R3HDM2: variants seen among roughly 807,000 people sequenced by gnomAD.
R3HDM2 encodes R3H domain containing 2.
Under a neutral mutation model 124.5 loss-of-function variants are expected in R3HDM2, and 38 were observed. The observed-to-expected ratio is 0.31, with a 90% CI of 0.24 to 0.40. The LOEUF (loss-of-function observed/expected upper bound fraction) is 0.40, where lower values mean the gene tolerates loss of function less well. R3HDM2 is among the 10% of genes least tolerant of loss of function. The pLI is 1.00. For synonymous variants in R3HDM2, 391 were observed against 448.0 expected, an observed-to-expected ratio of 0.87 and a Z score of 1.61; for missense variants, 869 against 1,236.9, an observed-to-expected ratio of 0.70 and a Z score of 4.46.
chr12:57,278,280 G>A (rs1416490698), intron 14 of R3HDM2, among the ~76,000 whole-genome samples: 1 of 152,128 alleles, frequency 6.6e-6, no homozygotes, highest in Non-Finnish European at 1.5e-5. Flanking sequence ...CCAGTAGCAG[G>A]GACAGAACCT....
At chr12:57,390,362 A>C (rs2138657292) in intron 2 of R3HDM2, among the ~76,000 whole-genome samples, 1 of 152,162 alleles carries the variant, frequency 6.6e-6, no homozygotes, top group East Asian at 1.9e-4. Flanking sequence ...GGAGAGTCTA[A>C]GGGGAACAAG....
rs1266837316 is a variant in R3HDM2 at position 57,296,359 on chromosome 12, C to T, written c.701+52G>A. ...CTGATCCTACACCTTCCTCTTCCAA[C>T]CCAGCAGGTTATCCCAGGGAAGTCT... On this transcript the variant is annotated intron_variant, in intron 9 of 23. Transcript: ENST00000402412. The surrounding 1 kb of genome is among the most constrained non-coding windows in gnomAD (Gnocchi z 4.5). 2 of 1,542,418 alleles carry T rather than the reference C, an allele frequency of 1.3e-6. No individual in the cohort carries two copies. The highest frequency in any genetic ancestry group is 2.7e-5 in the African/African-American group (2 of 72,832).
At chr12:57,395,322 C>G (rs149338575) in intron 2 of R3HDM2, among the ~76,000 whole-genome samples, 1 of 151,676 alleles carries the variant, frequency 6.6e-6, no homozygotes, top group East Asian at 1.9e-4. Flanking sequence ...CTGACCAACA[C>G]GGAGAAACGC....
chr12:57,375,002 A>C (rs181096171), intron 2 of R3HDM2, among the ~76,000 whole-genome samples: 1 of 151,360 alleles, frequency 6.6e-6, no homozygotes, highest in African/African-American at 2.4e-5. Flanking sequence ...TCTCAAAAAA[A>C]AAATAAATAA....
At chr12:57,376,079 C>T (rs1029680002) in intron 2 of R3HDM2, among the ~76,000 whole-genome samples, 34 of 152,194 alleles carry the variant, frequency 2.2e-4, no homozygotes, top group African/African-American at 8.0e-4. Flanking sequence ...GTCAAAGGGG[C>T]CCAGTTTTGA....
At chr12:57,303,964 C>T (rs1471421386) in intron 3 of R3HDM2, among the ~76,000 whole-genome samples, 2 of 152,016 alleles carry the variant, frequency 1.3e-5, no homozygotes, top group African/African-American at 4.8e-5. Context: ...TTCCCCCAAT[C>T]CTGTTCACAG....
At position 57,310,264 on chromosome 12, in the gene R3HDM2, C is replaced by A; in HGVS notation, c.165G>T (p.Gln55His). 1 of 1,526,428 alleles carries A rather than the reference C, an allele frequency of 6.6e-7. No individual in the cohort carries two copies. The highest frequency in any genetic ancestry group is 8.8e-7 in the Non-Finnish European group (1 of 1,137,066). 94.6% of individuals were successfully genotyped at this position (1,526,428 alleles called of 1,614,324 possible). The change falls in exon 3 of 24, where the codon CAG becomes CAT. Residue 55 changes from glutamine (Q) to histidine (H), a missense_variant and splice_region_variant. Physicochemically the swap from Gln to His is conservative, Grantham distance 24 (BLOSUM62 0). This residue lies in a region of R3HDM2 where 267 missense variants were observed against 447.7 expected (regional missense o/e 0.60). Transcript: ENST00000402412. ...CATACAATGCATTTCCAATCGTTAC[C>A]TGTGTCTCCTGACGCAAACTGGTAT... ...CEDTSLRQET[Q>H]RRTSNHGHAR...
In R3HDM2 at chr12:57,407,991, G is replaced by A. The variant is rs1215197710; in HGVS notation, c.-105-12173C>T. On this transcript the variant is annotated intron_variant, in intron 1 of 23. Coordinates refer to ENST00000402412, the MANE Select transcript of R3HDM2 (RefSeq NM_001394031.1). Reference sequence around the variant, plus strand: ...GTTGCCCAGGCTGGAGTGCAGTGGCGCAAACTCAGCTAACTGCAACCTCCA... The same window carrying A: ...GTTGCCCAGGCTGGAGTGCAGTGGCACAAACTCAGCTAACTGCAACCTCCA... Among the ~76,000 whole-genome samples, 5 of 150,948 alleles carry A rather than the reference G, an allele frequency of 3.3e-5. 1 individual carries two copies. The highest frequency in any genetic ancestry group is 6.9e-3 in the Middle Eastern group (2 of 290).
chr12:57,317,529 G>A (rs552951377), intron 2 of R3HDM2, among the ~76,000 whole-genome samples: 2 of 151,502 alleles, frequency 1.3e-5, no homozygotes, highest in African/African-American at 4.9e-5. Flanking sequence ...AGTCAATCTC[G>A]ACCCTCCCTA....
At chr12:57,336,219 A>G (rs543398803) in intron 2 of R3HDM2, among the ~76,000 whole-genome samples, 47 of 152,254 alleles carry the variant, frequency 3.1e-4, no homozygotes, top group Admixed American at 2.1e-3. Context: ...AAATTGTTCA[A>G]TCATTATGGA....
chr12:57,295,561 G>A, intron 9 of R3HDM2, 54 bp from the exon 10 acceptor site: 1 of 1,283,468 alleles, frequency 7.8e-7, no homozygotes, highest in Admixed American at 2.0e-5. Flanking sequence ...CGTTTTGTTA[G>A]GAAGCAGACC....
intron 2 of R3HDM2, among the ~76,000 whole-genome samples, chr12:57,333,465 G>A (rs545298233): frequency 2.3e-4 from 35 of 152,108 alleles, no homozygotes; most frequent in Non-Finnish European, 4.6e-4. Context: ...CAAAGTGGGT[G>A]GATCACCTAA....
chr12:57,282,104 G>A (rs1428795589), intron 13 of R3HDM2, among the ~76,000 whole-genome samples: 1 of 152,070 alleles, frequency 6.6e-6, no homozygotes, highest in Non-Finnish European at 1.5e-5. Context: ...GACATCAGGA[G>A]TTTGAGACCA....
intron 2 of R3HDM2, among the ~76,000 whole-genome samples, chr12:57,377,805 C>G (rs972543119): frequency 9.2e-5 from 14 of 152,008 alleles, no homozygotes; most frequent in Non-Finnish European, 1.8e-4. Context: ...TGAAACCTTT[C>G]GGCCAGGGGC....
rs1007913843 is a variant in R3HDM2, at chr12:57,410,335, A to C, written c.-105-14517T>G. Among the ~76,000 whole-genome samples the C allele has an allele frequency of 3.3e-5, 5 of 151,790 alleles. No homozygotes were observed. In the East Asian group the frequency reaches 5.8e-4, roughly 18 times the overall value. On this transcript the variant is annotated intron_variant, in intron 1 of 23. Transcript: ENST00000402412. ...TATAACCTTAAAAAAAAAAAAAAAA[A>C]AAAAAAACTTCACATTTCATGAACA...
At chr12:57,352,604 T>C (rs568957372) in intron 2 of R3HDM2, among the ~76,000 whole-genome samples, 2 of 151,658 alleles carry the variant, frequency 1.3e-5, no homozygotes, top group East Asian at 3.9e-4. Context: ...GCAATTCTCC[T>C]GTCTCAGCCT....
intron 1 of R3HDM2, among the ~76,000 whole-genome samples, chr12:57,421,954 G>A (rs2070248229): frequency 2.6e-5 from 4 of 152,002 alleles, no homozygotes; most frequent in Admixed American, 2.6e-4. Flanking sequence ...AAATTAGCCG[G>A]GTGTGGTGGC....
At chr12:57,422,508 A>T (rs2070312880) in intron 1 of R3HDM2, among the ~76,000 whole-genome samples, 1 of 152,014 alleles carries the variant, frequency 6.6e-6, no homozygotes. Flanking sequence ...CCCATACTTC[A>T]CCTAGCTAAC....
At chr12:57,340,472 T>C (rs2059420045) in intron 2 of R3HDM2, among the ~76,000 whole-genome samples, 1 of 152,212 alleles carries the variant, frequency 6.6e-6, no homozygotes, top group African/African-American at 2.4e-5. Context: ...TTCTCTCCAT[T>C]TGCCCTAGGA....
Sources: allele counts gnomAD v4.1 joint callset (sites outside exome capture counted in the v4.1 genomes callset), GRCh38; gene constraint gnomAD v4.1.1; regional missense constraint gnomAD v4.1.1; non-coding constraint Gnocchi (gnomAD v3.1); transcripts MANE v1.5; gene names NCBI Gene and HGNC (gene_info 2026-07-23, HGNC 2026-07-21).